The following SLC10A7 variants were observed in gnomAD, a reference collection of about 807,000 sequenced individuals.
SLC10A7 encodes sodium/bile acid cotransporter 7.
Under a neutral mutation model 43.2 loss-of-function variants are expected in SLC10A7, and 29 were observed. The observed-to-expected ratio is 0.67, with a 90% CI of 0.50 to 0.92. The LOEUF (loss-of-function observed/expected upper bound fraction) is 0.92, where lower values mean the gene tolerates loss of function less well. Among genes scored for constraint, SLC10A7 ranks in the 40% least tolerant of loss-of-function variants. SLC10A7 has a pLI of 0.00. For synonymous variants in SLC10A7, 152 were observed against 144.8 expected (o/e 1.05, Z -0.35); for missense variants, 295 against 403.2 (o/e 0.73, Z 2.30).
intron 11 of SLC10A7, among the ~76,000 whole-genome samples, chr4:146,257,573 C>G (rs531792075): frequency 6.6e-6 from 1 of 152,326 alleles, no homozygotes; most frequent in South Asian, 2.1e-4. Flanking sequence ...CATTTCCTAA[C>G]CCATAAAATG....
intron 5 of SLC10A7, among the ~76,000 whole-genome samples, chr4:146,334,366 A>G (rs970277346): frequency 3.3e-5 from 5 of 152,124 alleles, no homozygotes; most frequent in Admixed American, 6.6e-5. Flanking sequence ...CTAGATGAAA[A>G]CAATTTCAAT....
At chr4:146,331,762 C>A (rs186248236) in intron 5 of SLC10A7, among the ~76,000 whole-genome samples, 5 of 152,274 alleles carry the variant, frequency 3.3e-5, no homozygotes, top group Admixed American at 3.3e-4. Context: ...CTATCTTCAT[C>A]TTTTGTCCTG....
At chr4:146,355,437 G>C (rs982406100) in intron 5 of SLC10A7, among the ~76,000 whole-genome samples, 1 of 152,092 alleles carries the variant, frequency 6.6e-6, no homozygotes, top group Non-Finnish European at 1.5e-5. Context: ...TTACACTGTT[G>C]GTGGGACTGT....
chr4:146,329,736 T>A (rs1733404929), intron 5 of SLC10A7, among the ~76,000 whole-genome samples: 1 of 152,234 alleles, frequency 6.6e-6, no homozygotes, highest in South Asian at 2.1e-4. Flanking sequence ...CAGATACATT[T>A]TTTTAGAGTC....
chr4:146,289,708 T>TTG (rs1730276745), intron 9 of SLC10A7, among the ~76,000 whole-genome samples: 2 of 110,062 alleles, frequency 1.8e-5, no homozygotes, highest in African/African-American at 6.9e-5. Context: ...GATTATTAGT[T>TTG]TTTTTTTTTT....
chr4:146,310,983 A>C (rs28491379), intron 6 of SLC10A7, among the ~76,000 whole-genome samples: 1 of 101,300 alleles, frequency 9.9e-6, no homozygotes, highest in Non-Finnish European at 2.0e-5. Flanking sequence ...GATGAGGGGA[A>C]GGGGAAGGGG....
chr4:146,275,184 T>C, intron 10 of SLC10A7, among the ~76,000 whole-genome samples: 1 of 152,240 alleles, frequency 6.6e-6, no homozygotes. Flanking sequence ...GTTTTGTTTT[T>C]AAATTTTTAT....
intron 6 of SLC10A7, among the ~76,000 whole-genome samples, chr4:146,318,180 C>T (rs961223734): frequency 6.6e-6 from 1 of 151,970 alleles, no homozygotes; most frequent in Admixed American, 6.6e-5. Context: ...TGTTAGTACC[C>T]CATTTTCTGT....
intron 5 of SLC10A7, among the ~76,000 whole-genome samples, chr4:146,362,608 C>T (rs1028957161): frequency 2.0e-5 from 3 of 151,718 alleles, no homozygotes; most frequent in African/African-American, 7.3e-5. Flanking sequence ...AATGAATATA[C>T]AAATCTATTA....
chr4:146,457,301 G>C (rs973722356), intron 4 of SLC10A7, among the ~76,000 whole-genome samples: 1 of 151,704 alleles, frequency 6.6e-6, no homozygotes, highest in African/African-American at 2.4e-5. Context: ...GAGATGTTTT[G>C]ATACAAGCAT....
intron 5 of SLC10A7, among the ~76,000 whole-genome samples, chr4:146,407,966 G>A (rs1339531900): frequency 1.3e-5 from 2 of 152,154 alleles, no homozygotes; most frequent in East Asian, 1.9e-4. Context: ...AGGGAAAAAC[G>A]TCAGTCAGGA....
At chr4:146,460,901 CTTG>C in intron 4 of SLC10A7, among the ~76,000 whole-genome samples, 1 of 151,838 alleles carries the variant, frequency 6.6e-6, no homozygotes, top group South Asian at 2.1e-4. Flanking sequence ...TAAGCTTTAG[CTTG>C]TTTATATTTA....
intron 5 of SLC10A7, among the ~76,000 whole-genome samples, chr4:146,379,357 G>A (rs2149789408): frequency 6.6e-6 from 1 of 152,242 alleles, no homozygotes; most frequent in South Asian, 2.1e-4. Flanking sequence ...GAATACAACA[G>A]ATTTTATTGA....
At chr4:146,480,476 G>A (rs1363741812) in intron 4 of SLC10A7, among the ~76,000 whole-genome samples, 1 of 152,010 alleles carries the variant, frequency 6.6e-6, no homozygotes, top group East Asian at 1.9e-4. Flanking sequence ...TAGCCAAAAG[G>A]ACCCCACGTC....
intron 5 of SLC10A7, among the ~76,000 whole-genome samples, chr4:146,414,119 G>A (rs1375141780): frequency 6.6e-6 from 1 of 152,120 alleles, no homozygotes; most frequent in Non-Finnish European, 1.5e-5. Context: ...CAGAACACGG[G>A]CTAGTCAACA....
At chr4:146,371,572 G>C (rs1662385543) in intron 5 of SLC10A7, among the ~76,000 whole-genome samples, 1 of 152,158 alleles carries the variant, frequency 6.6e-6, no homozygotes, top group Admixed American at 6.6e-5. Flanking sequence ...GATGTGTTTA[G>C]AGAAAGCAGA....
intron 5 of SLC10A7, among the ~76,000 whole-genome samples, chr4:146,326,768 C>T (rs1260726205): frequency 3.3e-5 from 5 of 151,998 alleles, no homozygotes; most frequent in African/African-American, 9.7e-5. Flanking sequence ...ATTATTTGCC[C>T]GTTTTAGTTT....
At chr4:146,266,157 T>A (rs540403762) in intron 10 of SLC10A7, among the ~76,000 whole-genome samples, 6 of 152,356 alleles carry the variant, frequency 3.9e-5, no homozygotes, top group African/African-American at 1.2e-4. Flanking sequence ...GATTTCTCAC[T>A]TTTGTTTAGT....
chr4:146,374,271 T>G (rs1438513022), intron 5 of SLC10A7, among the ~76,000 whole-genome samples: 1 of 152,174 alleles, frequency 6.6e-6, no homozygotes, highest in Non-Finnish European at 1.5e-5. Flanking sequence ...GCTCAATGAA[T>G]GTTTTCCCCT....
Sources: allele counts gnomAD v4.1 joint callset (sites outside exome capture counted in the v4.1 genomes callset), GRCh38; gene constraint gnomAD v4.1.1; transcripts MANE v1.5; gene names NCBI Gene and HGNC (gene_info 2026-07-23, HGNC 2026-07-21).